Variants in BLM observed in about 807,000 individuals in gnomAD.
The protein encoded by BLM is BLM RecQ like helicase.
Under a neutral mutation model 135.3 loss-of-function variants are expected in BLM, and 95 were observed. The observed-to-expected ratio is 0.70, with a 90% CI of 0.59 to 0.83. The LOEUF (loss-of-function observed/expected upper bound fraction) is 0.83, where lower values mean the gene tolerates loss of function less well. Among genes scored for constraint, BLM ranks in the 40% least tolerant of loss-of-function variants. The pLI is 0.00. For synonymous variants in BLM, 520 were observed against 589.2 expected, an observed-to-expected ratio of 0.88 and a Z score of 1.70; for missense variants, 1,518 against 1,663.9, an observed-to-expected ratio of 0.91 and a Z score of 1.53.
rs140387675 is a variant in BLM, at chr15:90,803,589, G to A, written c.3427G>A (p.Glu1143Lys). ...ATCTGCTTATTCACGACACAATGCC[G>A]AAAGACTTTTTAAAAAGCTGATACT... ...KGSAYSRHNA[E>K]RLFKKLILDK... The change falls in exon 18 of 22, where the codon GAA (glutamate) becomes AAA (lysine). Residue 1143 changes from glutamate to lysine, a missense_variant. Coordinates refer to ENST00000355112, the MANE Select transcript of BLM (RefSeq NM_000057.4). 146 of 1,613,766 alleles carry A rather than the reference G, an allele frequency of 9.0e-5. No individual in the cohort carries two copies. Among genetic ancestry groups the A allele is most frequent in the Middle Eastern group, 1.6e-4 (1 of 6,084 alleles).
intron 21 of BLM, among the ~76,000 whole-genome samples, chr15:90,812,834 A>G (rs1897456864): frequency 6.6e-6 from 1 of 152,224 alleles, no homozygotes; most frequent in Non-Finnish European, 1.5e-5. Flanking sequence ...CTGCCAGAGT[A>G]CCGAAATTAA....
chr15:90,789,542 A>G (rs1896844702), intron 14 of BLM, among the ~76,000 whole-genome samples: 1 of 152,132 alleles, frequency 6.6e-6, no homozygotes, highest in African/African-American at 2.4e-5. Flanking sequence ...TCTGTTTCCA[A>G]GGAGATTTGC....
Position 90,798,865 on chromosome 15 carries a change from C to T in BLM, c.3358+528C>T, listed in dbSNP as rs138808220. Among the ~76,000 whole-genome samples, 1,404 of 152,250 alleles carry T rather than the reference C, an allele frequency of 9.2e-3. 18 individuals carry two copies. The highest frequency in any genetic ancestry group is 0.012 in the Non-Finnish European group (787 of 68,012). On this transcript the variant is annotated intron_variant, in intron 17 of 21. Transcript: ENST00000355112. ...AGGCATGGTGGCATGCACCTGTAAT[C>T]CCAGCTACTCGGGAGGCTGAGGCAG...
rs146618005 is a variant in BLM, at chr15:90,743,259, G to A, written c.-4-4130G>A. 1.4e-3 allele frequency among the ~76,000 whole-genome samples: 215 copies of A among 151,678 alleles called. 1 individual carries two copies. Among genetic ancestry groups the A allele is most frequent in the African/African-American group, 4.6e-3 (190 of 41,396 alleles). ...CTCCCAAAGTGCTGGGATTATAGGC[G>A]TGAGCCACCGCTCCTGGCCTGCTTA... is the stretch of plus-strand genomic sequence containing the variant. On this transcript the variant is annotated intron_variant, in intron 1 of 21. Transcript: ENST00000355112.
chr15:90,753,576 C>T (rs1029509788), intron 4 of BLM, among the ~76,000 whole-genome samples: 1 of 152,138 alleles, frequency 6.6e-6, no homozygotes, highest in African/African-American at 2.4e-5. Flanking sequence ...CCCATTGTAA[C>T]TTAGTATACA....
At chr15:90,802,800 A>C (rs1428435994) in intron 17 of BLM, among the ~76,000 whole-genome samples, 1 of 152,078 alleles carries the variant, frequency 6.6e-6, no homozygotes. Flanking sequence ...AAATATTATA[A>C]AATAATGTAA....
Position 90,762,967 on chromosome 15 carries a change from C to T in BLM, c.1884C>T (p.Asp628=), listed in dbSNP as rs1896024864. Residue 628 remains aspartate, a splice_region_variant and synonymous_variant, in exon 8 of 22, where the codon GAC becomes GAT. Transcript: ENST00000355112. The part of the protein sequence containing the change: ...NFSESIQNYT[D]KSAQNLASRN... ...TCTTAACGTTGATTATTTTCCTAGA[C>T]AAGTCAGCACAAAATTTAGCATCCA... 6.2e-7 allele frequency: 1 copy of T among 1,613,204 alleles called. No individual in the cohort carries two copies. The highest frequency in any genetic ancestry group is 2.2e-5 in the East Asian group (1 of 44,864).
At chr15:90,742,377 A>G (rs530679630) in intron 1 of BLM, among the ~76,000 whole-genome samples, 1 of 152,130 alleles carries the variant, frequency 6.6e-6, no homozygotes, top group Non-Finnish European at 1.5e-5. Context: ...AAACAGAAAC[A>G]TCTAAATGTT....
At position 90,788,852 on chromosome 15, in the gene BLM, A is replaced by G. The variant is rs113352031; in HGVS notation, c.2824-1797A>G. ...GCCTGGCATGCTGGTGCACACCTGT[A>G]GTCCCAGCTTCTCGGGAGTCTGAGG... On this transcript the variant is annotated intron_variant, in intron 14 of 21. Transcript: ENST00000355112. Among the ~76,000 whole-genome samples, 1,147 of 151,964 alleles carry G rather than the reference A, an allele frequency of 7.5e-3. 23 individuals carry two copies. The highest frequency in any genetic ancestry group is 0.025 in the African/African-American group (1,053 of 41,424).
chr15:90,773,059 T>C (rs1299017725), intron 12 of BLM, among the ~76,000 whole-genome samples: 1 of 128,100 alleles, frequency 7.8e-6, no homozygotes, highest in Non-Finnish European at 1.5e-5. Flanking sequence ...ATTGCACCAC[T>C]GCACCCCAGC....
chr15:90,762,205 C>T (rs760240516), intron 7 of BLM, among the ~76,000 whole-genome samples: 23 of 152,094 alleles, frequency 1.5e-4, no homozygotes, highest in Non-Finnish European at 2.5e-4. Context: ...GTTCTCTGTG[C>T]TGAACCAGAG....
chr15:90,769,617 C>T (rs1353720041), intron 12 of BLM, 31 bp downstream of exon 12: 2 of 1,608,332 alleles, frequency 1.2e-6, no homozygotes, highest in East Asian at 4.5e-5. Flanking sequence ...TATTTGAGAA[C>T]CCTGGGGCAG....
chr15:90,720,229 G>T (rs1894729337), intron 1 of BLM, among the ~76,000 whole-genome samples: 1 of 152,164 alleles, frequency 6.6e-6, no homozygotes, highest in Admixed American at 6.6e-5. Flanking sequence ...CTGTACTTCA[G>T]TGCCTACCAT....
intron 5 of BLM, 43 bp downstream of exon 5, chr15:90,754,981 AC>A (rs777926802): frequency 5.9e-5 from 95 of 1,606,570 alleles, no homozygotes; most frequent in Non-Finnish European, 8.0e-5. Flanking sequence ...TCAACTACTT[AC>A]TTTTGAAAAC....
chr15:90,747,544 C>A, intron 2 of BLM, 54 bp downstream of exon 2: 1 of 1,085,328 alleles, frequency 9.2e-7, no homozygotes, highest in Non-Finnish European at 1.4e-6. Flanking sequence ...CCACATTGTA[C>A]ACATGAGATA....
In BLM at chr15:90,740,020, C is replaced by T. The variant is rs556238271; in HGVS notation, c.-4-7369C>T. Reference sequence around the variant, plus strand: ...GCTCAAGCGATCCCCCCGCCTCAGCCTTCCAAAGGGCTGGGATTACAGGCA... The same window carrying T: ...GCTCAAGCGATCCCCCCGCCTCAGCTTTCCAAAGGGCTGGGATTACAGGCA... On this transcript the variant is annotated intron_variant, in intron 1 of 21. Coordinates refer to ENST00000355112, the MANE Select transcript of BLM (RefSeq NM_000057.4). 2.6e-5 allele frequency among the ~76,000 whole-genome samples: 4 copies of T among 152,190 alleles called. No homozygotes were observed. In the South Asian group the frequency reaches 6.2e-4, roughly 24 times the overall value.
At chr15:90,802,139 G>A (rs1307338914) in intron 17 of BLM, among the ~76,000 whole-genome samples, 2 of 152,162 alleles carry the variant, frequency 1.3e-5, no homozygotes, top group Admixed American at 6.5e-5. Flanking sequence ...CCTATCATTA[G>A]CAGAACGGTA....
chr15:90,761,726 G>C (rs1181332282), intron 7 of BLM, among the ~76,000 whole-genome samples: 1 of 152,180 alleles, frequency 6.6e-6, no homozygotes, highest in Non-Finnish European at 1.5e-5. Flanking sequence ...GAAGTCAGGA[G>C]TGTCTTAAAT....
intron 12 of BLM, among the ~76,000 whole-genome samples, chr15:90,772,059 A>G: frequency 6.6e-6 from 1 of 152,210 alleles, no homozygotes; most frequent in Non-Finnish European, 1.5e-5. Context: ...AAATGTAGGC[A>G]TGTCTGTTGA....
Sources: gnomAD v4.1 joint callset for allele counts (sites outside exome capture counted in the v4.1 genomes callset) on GRCh38, gnomAD v4.1.1 for gene constraint, MANE v1.5 for transcripts, NCBI Gene and HGNC (gene_info 2026-07-23, HGNC 2026-07-21) for gene names.